CHEK2: variants seen among roughly 807,000 people sequenced by gnomAD.
The protein encoded by CHEK2 is serine/threonine-protein kinase Chk2.
A neutral mutation model predicts 69.1 loss-of-function variants in CHEK2; 71 were observed. The ratio of observed to expected loss-of-function variants is 1.03; its 90% CI spans 0.85 to 1.25. The LOEUF is 1.25. CHEK2 is among the 50% of genes most tolerant of loss of function. CHEK2 has a pLI of 0.00. For synonymous variants in CHEK2, 189 were observed against 226.9 expected (o/e 0.83, Z 1.50); for missense variants, 664 against 649.6 (o/e 1.02, Z -0.24).
At chr22:28,716,324 G>T (rs1226121081) in intron 5 of CHEK2, among the ~76,000 whole-genome samples, 1 of 151,110 alleles carries the variant, frequency 6.6e-6, no homozygotes, top group African/African-American at 2.4e-5. Flanking sequence ...AGCCTCCCAA[G>T]TAGCTGGGAT....
At chr22:28,722,600 C>T (rs1337576380) in intron 4 of CHEK2, among the ~76,000 whole-genome samples, 1 of 138,306 alleles carries the variant, frequency 7.2e-6, no homozygotes, top group African/African-American at 2.7e-5. Flanking sequence ...AAAATAGAAA[C>T]AGGGAAAACT....
At chr22:28,713,791 G>A (rs2053492639) in intron 5 of CHEK2, among the ~76,000 whole-genome samples, 2 of 151,346 alleles carry the variant, frequency 1.3e-5, no homozygotes, top group African/African-American at 2.4e-5. Flanking sequence ...AGCAATTCTC[G>A]TGCCTCAGCC....
At chr22:28,734,876 C>A in intron 1 of CHEK2, 149 bp from the exon 2 acceptor site, 1 of 677,170 alleles carries the variant, frequency 1.5e-6, no homozygotes, top group Non-Finnish European at 2.5e-6. Flanking sequence ...AAAGTCCTAA[C>A]AGCCCAGACC....
chr22:28,689,996 A>G (rs532275393), intron 13 of CHEK2, among the ~76,000 whole-genome samples: 11 of 152,300 alleles, frequency 7.2e-5, no homozygotes, highest in African/African-American at 2.2e-4. Flanking sequence ...GTGGCCTTTG[A>G]GTGCTGGCCA....
intron 5 of CHEK2, among the ~76,000 whole-genome samples, chr22:28,713,217 G>A (rs755471747): frequency 6.6e-6 from 1 of 152,012 alleles, no homozygotes; most frequent in Non-Finnish European, 1.5e-5. Context: ...ACCTTCCGAC[G>A]GACATTTATT....
At chr22:28,689,287 T>C (rs1184953135) in intron 13 of CHEK2, 72 bp from the exon 14 acceptor site, 5 of 1,035,950 alleles carry the variant, frequency 4.8e-6, no homozygotes, top group Non-Finnish European at 6.0e-6. Flanking sequence ...AGGGCTAGCA[T>C]GCCCCTGTGG....
intron 4 of CHEK2, among the ~76,000 whole-genome samples, chr22:28,721,238 T>C (rs1044145512): frequency 6.6e-6 from 1 of 152,004 alleles, no homozygotes; most frequent in African/African-American, 2.4e-5. Flanking sequence ...ATGGTGATTG[T>C]AGTTAACAAC....
Position 28,687,947 on chromosome 22 carries a change from C to T in CHEK2, c.1582G>A (p.Glu528Lys), listed in dbSNP as rs138040612. 92 of 1,596,300 alleles carry T rather than the reference C, an allele frequency of 5.8e-5. No homozygotes were observed. Among genetic ancestry groups the T allele is most frequent in the Non-Finnish European group, 7.0e-5 (83 of 1,179,754 alleles). ...SRKRPREGEA[E>K]GAETTKRPAV... is the part of the protein sequence containing the mutation. ...GGGCGCTTTGTGGTCTCGGCACCCT[C>T]GGCTTCCCCTTCACGGGGCCGCTTT... Residue 528 changes from glutamate to lysine, a missense_variant, in exon 15 of 15, where the codon GAG (glutamate) becomes AAG (lysine). By Grantham distance (56) the Glu-to-Lys change is moderately conservative. Coordinates refer to ENST00000404276, the MANE Select transcript of CHEK2 (RefSeq NM_007194.4).
intron 9 of CHEK2, among the ~76,000 whole-genome samples, chr22:28,698,858 A>C (rs917943760): frequency 2.0e-5 from 3 of 152,126 alleles, no homozygotes; most frequent in Non-Finnish European, 2.9e-5. Context: ...TGTCACAATC[A>C]TCACAACTTG....
At position 28,712,388 on chromosome 22, in the gene CHEK2, A is replaced by G. The variant is rs142797768; in HGVS notation, c.684-371T>C. The G allele has an allele frequency of 3.1e-3, 925 of 295,740 alleles. 11 individuals carry two copies. Among genetic ancestry groups the G allele is most frequent in the African/African-American group, 0.016 (736 of 46,926 alleles). 18.3% of individuals were successfully genotyped at this position (295,740 alleles called of 1,614,324 possible). A position where few individuals can be genotyped will look rare whatever the true frequency, so the allele number is the denominator to read the frequency against. ...CCCTGGTCAAAAATAAGTGCCCAAA[A>G]CAAACAAATAACGGTAAACAGAATC... On this transcript the variant is annotated intron_variant, in intron 5 of 14. Coordinates refer to ENST00000404276, the MANE Select transcript of CHEK2 (RefSeq NM_007194.4).
chr22:28,726,507 T>C (rs2054017410), intron 2 of CHEK2: 1 of 146,352 alleles, frequency 6.8e-6, no homozygotes, highest in Non-Finnish European at 1.5e-5. Context: ...ATTATATATT[T>C]ATACACAATA....
chr22:28,708,160 T>C (rs566587502), intron 7 of CHEK2, among the ~76,000 whole-genome samples: 4 of 152,048 alleles, frequency 2.6e-5, no homozygotes, highest in African/African-American at 4.8e-5. Context: ...ATCTTAAGGG[T>C]AGGTCTGATG....
intron 5 of CHEK2, among the ~76,000 whole-genome samples, chr22:28,714,254 C>T (rs2053512265): frequency 6.6e-6 from 1 of 152,148 alleles, no homozygotes; most frequent in Non-Finnish European, 1.5e-5. Context: ...TTATGGTCAG[C>T]CTAGTAGGTA....
chr22:28,712,037 T>A lies in CHEK2; in HGVS notation c.684-20A>T, dbSNP rs1057520266. The A allele has an allele frequency of 6.4e-7, 1 of 1,558,278 alleles. No individual in the cohort carries two copies. Among genetic ancestry groups the A allele is most frequent in the Non-Finnish European group, 8.9e-7 (1 of 1,129,920 alleles). ...GCACCACTAGAGGGAAAAACAAAGA[T>A]AGTGATTGTCTGAATGTTTTTAATT... On this transcript the variant is annotated intron_variant, in intron 5 of 14. Coordinates refer to ENST00000404276, the MANE Select transcript of CHEK2 (RefSeq NM_007194.4).
intron 7 of CHEK2, among the ~76,000 whole-genome samples, chr22:28,707,322 C>T (rs988211902): frequency 2.6e-5 from 4 of 152,240 alleles, no homozygotes; most frequent in African/African-American, 9.6e-5. Context: ...TAAATTCTCA[C>T]ACTGACCTTG....
At chr22:28,737,474 CTTTTT>C (rs543703620) in intron 1 of CHEK2, among the ~76,000 whole-genome samples, 2 of 137,358 alleles carry the variant, frequency 1.5e-5, no homozygotes. Flanking sequence ...CTGATTATTT[CTTTTT>C]TTTTTTTTTT....
chr22:28,717,520 GC>G (rs1190919548), intron 5 of CHEK2, among the ~76,000 whole-genome samples: 1 of 150,908 alleles, frequency 6.6e-6, no homozygotes, highest in African/African-American at 2.4e-5. Flanking sequence ...GATAACTTGA[GC>G]CCAGGAGTTC....
intron 9 of CHEK2, among the ~76,000 whole-genome samples, chr22:28,698,365 A>G (rs2052677038): frequency 6.6e-6 from 1 of 152,036 alleles, no homozygotes; most frequent in South Asian, 2.1e-4. Context: ...ATTGGACTCC[A>G]GCCTGGGCGA....
chr22:28,721,804 C>T (rs574499095), intron 4 of CHEK2, among the ~76,000 whole-genome samples: 1 of 152,144 alleles, frequency 6.6e-6, no homozygotes, highest in African/African-American at 2.4e-5. Flanking sequence ...AATCATGGCT[C>T]ACTGTAGCCT....
Sources: gnomAD v4.1 joint callset for allele counts (sites outside exome capture counted in the v4.1 genomes callset) on GRCh38, gnomAD v4.1.1 for gene constraint, MANE v1.5 for transcripts, NCBI Gene and HGNC (gene_info 2026-07-23, HGNC 2026-07-21) for gene names.